The following RBFOX1 variants were observed in gnomAD, a reference collection of about 807,000 sequenced individuals.
RBFOX1 encodes the protein RNA binding fox-1 homolog 1, also known as RNA binding protein fox-1 homolog 1.
Under a neutral mutation model 57.7 loss-of-function variants are expected in RBFOX1, and 8 were observed. The ratio of observed to expected loss-of-function variants is 0.14; its 90% CI spans 0.08 to 0.25. The LOEUF (loss-of-function observed/expected upper bound fraction) is 0.25, where lower values mean the gene tolerates loss of function less well. RBFOX1 is among the 10% of genes least tolerant of loss of function. The probability of loss-of-function intolerance (pLI) is 1.00; values close to 1 mark genes in which losing one functional copy is unlikely to be tolerated. For synonymous variants in RBFOX1, 326 were observed against 222.4 expected (o/e 1.47, Z -4.15); for missense variants, 611 against 548.5 (o/e 1.11, Z -1.14).
At chr16:5,669,576 T>A (rs1409718038) in intron 3 of RBFOX1, among the ~76,000 whole-genome samples, 1 of 152,098 alleles carries the variant, frequency 6.6e-6, no homozygotes, top group Non-Finnish European at 1.5e-5. Context: ...TGCACCACCA[T>A]GGCTAGCTAA....
At chr16:5,983,642 A>C (rs1865394874) in intron 4 of RBFOX1, among the ~76,000 whole-genome samples, 1 of 151,478 alleles carries the variant, frequency 6.6e-6, no homozygotes, top group South Asian at 2.1e-4. Context: ...TTCATTTCTG[A>C]CTCTCGTTGT....
At chr16:6,756,426 A>C (rs900449627) in intron 3 of RBFOX1, among the ~76,000 whole-genome samples, 1 of 152,218 alleles carries the variant, frequency 6.6e-6, no homozygotes, top group Non-Finnish European at 1.5e-5. Flanking sequence ...TATGGCTAAG[A>C]CTTCAAAGGC....
chr16:7,412,935 G>C (rs545282318), intron 4 of RBFOX1, among the ~76,000 whole-genome samples: 5 of 152,062 alleles, frequency 3.3e-5, no homozygotes, highest in African/African-American at 4.8e-5. Context: ...CCAGCTACTC[G>C]GGAGGCTGAG....
At chr16:5,594,105 A>G (rs1022907969) in intron 2 of RBFOX1, among the ~76,000 whole-genome samples, 5 of 152,068 alleles carry the variant, frequency 3.3e-5, no homozygotes, top group African/African-American at 4.8e-5. Flanking sequence ...TTGGGAACTC[A>G]TCATGCACCC....
chr16:7,239,636 C>T (rs1481512031), intron 4 of RBFOX1, among the ~76,000 whole-genome samples: 2 of 152,128 alleles, frequency 1.3e-5, no homozygotes, highest in Non-Finnish European at 2.9e-5. Context: ...GCTTTATTGC[C>T]CCCTGATAAG....
chr16:6,803,433 TG>T (rs1250476168), intron 3 of RBFOX1, among the ~76,000 whole-genome samples: 1 of 152,194 alleles, frequency 6.6e-6, no homozygotes, highest in Non-Finnish European at 1.5e-5. Flanking sequence ...AGTGGCGTTC[TG>T]GCCTTGGAAA....
At chr16:5,511,415 CT>C (rs2043587831) in intron 2 of RBFOX1, among the ~76,000 whole-genome samples, 1 of 152,136 alleles carries the variant, frequency 6.6e-6, no homozygotes, top group Non-Finnish European at 1.5e-5. Context: ...AAAAGGCTCT[CT>C]TTTTTCATTT....
At chr16:5,262,400 C>T (rs2062757174) in intron 1 of RBFOX1, among the ~76,000 whole-genome samples, 1 of 152,148 alleles carries the variant, frequency 6.6e-6, no homozygotes, top group South Asian at 2.1e-4. Flanking sequence ...CACTGAAGAC[C>T]TGAACAAAAC....
chr16:6,661,641 G>C (rs916669565), intron 3 of RBFOX1, among the ~76,000 whole-genome samples: 4 of 152,180 alleles, frequency 2.6e-5, no homozygotes, highest in Non-Finnish European at 5.9e-5. Flanking sequence ...CCCAGAGAAA[G>C]ACCCAGAGAC....
At chr16:7,431,404 T>TTGTGTGTGTG (rs113451964) in intron 4 of RBFOX1, 19 of 149,600 alleles carry the variant, frequency 1.3e-4, no homozygotes, top group African/African-American at 4.7e-4. Context: ...TTTTTTAATT[T>TTGTGTGTGTG]TGTGTGTGTG....
chr16:7,155,712 A>AAAAATATAT (rs1195367029), intron 4 of RBFOX1, among the ~76,000 whole-genome samples: 3 of 77,406 alleles, frequency 3.9e-5, no homozygotes, highest in African/African-American at 2.0e-4. Context: ...AAAAAAAAAA[A>AAAAATATAT]ATATATATAT....
Position 7,184,740 on chromosome 16 carries a change from C to T in RBFOX1, c.27+132642C>T, listed in dbSNP as rs73538625. ...AAAAATTTGGGGCAATGTGGAGTTA[C>T]AGGTAGAACTTGAGCTTTTCAAGTC... On this transcript the variant is annotated intron_variant, in intron 4 of 15. Transcript: ENST00000550418. 1.4e-3 allele frequency among the ~76,000 whole-genome samples: 206 copies of T among 152,286 alleles called. 1 individual carries two copies. The highest frequency in any genetic ancestry group is 4.2e-3 in the African/African-American group (173 of 41,548).
intron 4 of RBFOX1, among the ~76,000 whole-genome samples, chr16:7,372,747 C>T (rs905547995): frequency 6.6e-6 from 1 of 151,014 alleles, no homozygotes; most frequent in Non-Finnish European, 1.5e-5. Flanking sequence ...ATATAAAAAG[C>T]AGCAATGGGA....
At chr16:6,707,023 T>C (rs1375935230) in intron 3 of RBFOX1, among the ~76,000 whole-genome samples, 1 of 152,186 alleles carries the variant, frequency 6.6e-6, no homozygotes, top group African/African-American at 2.4e-5. Context: ...TAGTATATCA[T>C]CTCTAATGAT....
chr16:7,593,447 CT>C (rs1370975597), intron 7 of RBFOX1, among the ~76,000 whole-genome samples: 2 of 152,120 alleles, frequency 1.3e-5, no homozygotes, highest in Admixed American at 1.3e-4. Flanking sequence ...TATGGGCATA[CT>C]TTGTGCACAA....
At chr16:5,811,044 T>G (rs2055408047) in intron 3 of RBFOX1, among the ~76,000 whole-genome samples, 1 of 152,024 alleles carries the variant, frequency 6.6e-6, no homozygotes, top group Non-Finnish European at 1.5e-5. Context: ...TGCCCCTCCC[T>G]GCTCCCATCC....
chr16:7,706,572 C>G (rs1429568925), intron 14 of RBFOX1, among the ~76,000 whole-genome samples: 1 of 152,160 alleles, frequency 6.6e-6, no homozygotes, highest in African/African-American at 2.4e-5. Flanking sequence ...ACCATTTCCC[C>G]AATTTTTAAA....
intron 4 of RBFOX1, among the ~76,000 whole-genome samples, chr16:7,080,744 C>G (rs961769707): frequency 2.0e-5 from 3 of 152,142 alleles, no homozygotes; most frequent in South Asian, 2.1e-4. Flanking sequence ...TAGTTCAACC[C>G]TCTCCATCTC....
chr16:5,854,115 G>A (rs2056965329), intron 3 of RBFOX1, among the ~76,000 whole-genome samples: 1 of 152,130 alleles, frequency 6.6e-6, no homozygotes, highest in African/African-American at 2.4e-5. Flanking sequence ...CACATGTATT[G>A]GGAAACGCTT....
Sources: gnomAD v4.1 joint callset for allele counts (sites outside exome capture counted in the v4.1 genomes callset) on GRCh38, gnomAD v4.1.1 for gene constraint, MANE v1.5 for transcripts, NCBI Gene and HGNC (gene_info 2026-07-23, HGNC 2026-07-21) for gene names.